NPAS3: variants seen among roughly 807,000 people sequenced by gnomAD.
The protein encoded by NPAS3 is neuronal PAS domain protein 3, also known as neuronal PAS domain-containing protein 3.
Under a neutral mutation model 73.1 loss-of-function variants are expected in NPAS3, and 14 were observed. The ratio of observed to expected loss-of-function variants is 0.19; its 90% CI spans 0.13 to 0.30. The LOEUF is 0.30. Among genes scored for constraint, NPAS3 ranks in the 10% least tolerant of loss-of-function variants. NPAS3 has a pLI of 1.00. For synonymous variants in NPAS3, 620 were observed against 541.5 expected, an observed-to-expected ratio of 1.14 and a Z score of -2.01; for missense variants, 1,096 against 1,250.0, an observed-to-expected ratio of 0.88 and a Z score of 1.86.
At position 32,973,628 on chromosome 14, in the gene NPAS3, C is replaced by T. The variant is rs188653135; in HGVS notation, c.50+34262C>T. On this transcript the variant is annotated intron_variant, in intron 1 of 11. Transcript: ENST00000356141. ...TTGGCTCACTGCAACCTCCCCTTCC[C>T]GAGTTCAAACAGTTCTCCAGCCTCA... Among the ~76,000 whole-genome samples, 39 of 151,228 alleles carry T rather than the reference C, an allele frequency of 2.6e-4. 1 individual carries two copies. The highest frequency in any genetic ancestry group is 8.0e-4 in the African/African-American group (33 of 41,248).
chr14:33,089,010 C>G (rs995715975), intron 2 of NPAS3, among the ~76,000 whole-genome samples: 1 of 99,854 alleles, frequency 1.0e-5, no homozygotes, highest in Admixed American at 9.1e-5. Context: ...ACATCCACAC[C>G]AAAACCCCAT....
chr14:33,151,581 TTA>T (rs1429611271), intron 2 of NPAS3, among the ~76,000 whole-genome samples: 1 of 152,232 alleles, frequency 6.6e-6, no homozygotes, highest in Non-Finnish European at 1.5e-5. Context: ...TGTGATGAAT[TTA>T]TGTTATATTT....
chr14:33,656,756 A>G (rs2059156035), intron 5 of NPAS3, among the ~76,000 whole-genome samples: 1 of 152,202 alleles, frequency 6.6e-6, no homozygotes, highest in Admixed American at 6.5e-5. Context: ...TTTTAAATAT[A>G]CAATACAGTA....
At chr14:33,102,170 G>A (rs141528888) in intron 2 of NPAS3, among the ~76,000 whole-genome samples, 2 of 152,172 alleles carry the variant, frequency 1.3e-5, no homozygotes, top group African/African-American at 4.8e-5. Context: ...GTCACCTGCC[G>A]TTGGGACTTT....
rs1200320395 is a variant in NPAS3, at chr14:33,753,313, G to A, written c.852+17981G>A. 6.0e-5 allele frequency among the ~76,000 whole-genome samples: 9 copies of A among 148,982 alleles called. No individual in the cohort carries two copies. The East Asian group carries it at 1.2e-3, about 19-fold the overall frequency. ...GGAAAATCTGCTCTGTAGCTGTCAG[G>A]ATTATACTTCTCAAAATATGCTTAA... On this transcript the variant is annotated intron_variant, in intron 7 of 11. Transcript: ENST00000356141.
intron 4 of NPAS3, among the ~76,000 whole-genome samples, chr14:33,376,160 G>T (rs1045342377): frequency 1.3e-5 from 2 of 151,944 alleles, no homozygotes; most frequent in Non-Finnish European, 2.9e-5. Context: ...TCCCTATATT[G>T]TACTGCCTTT....
At chr14:33,676,168 C>CTATA (rs747349153) in intron 5 of NPAS3, 43 bp from the exon 6 acceptor site, 1 of 1,596,760 alleles carries the variant, frequency 6.3e-7, no homozygotes. Flanking sequence ...ATGGAGAAGC[C>CTATA]TATATAATGT....
chr14:33,162,187 A>G (rs1026043003), intron 2 of NPAS3, among the ~76,000 whole-genome samples: 1 of 152,220 alleles, frequency 6.6e-6, no homozygotes, highest in East Asian at 1.9e-4. Flanking sequence ...GTACTTGTCT[A>G]CTTAAACTTT....
intron 4 of NPAS3, among the ~76,000 whole-genome samples, chr14:33,523,641 G>A (rs893007221): frequency 1.2e-4 from 18 of 151,608 alleles, no homozygotes; most frequent in Admixed American, 2.6e-4. Flanking sequence ...ATAGCCGGGC[G>A]TGGTGGCAGG....
chr14:32,954,016 A>T (rs532553233), intron 1 of NPAS3, among the ~76,000 whole-genome samples: 3 of 152,192 alleles, frequency 2.0e-5, no homozygotes, highest in Non-Finnish European at 2.9e-5. Context: ...AATCTGAAGC[A>T]CTAAAATGGG....
intron 3 of NPAS3, among the ~76,000 whole-genome samples, chr14:33,259,857 CTTTT>C (rs33939091): frequency 6.9e-6 from 1 of 145,672 alleles, no homozygotes; most frequent in Non-Finnish European, 1.5e-5. Context: ...GCAGCAGCAT[CTTTT>C]TTTTTTTTTT....
intron 3 of NPAS3, among the ~76,000 whole-genome samples, chr14:33,246,954 CA>C (rs2048412349): frequency 6.7e-6 from 1 of 149,790 alleles, no homozygotes; most frequent in Non-Finnish European, 1.5e-5. Context: ...GCAGATGTTG[CA>C]GTAAGCCAAG....
At chr14:33,566,975 G>A (rs984709443) in intron 5 of NPAS3, among the ~76,000 whole-genome samples, 1 of 152,204 alleles carries the variant, frequency 6.6e-6, no homozygotes, top group Non-Finnish European at 1.5e-5. Flanking sequence ...GCTTCTTCAG[G>A]ACCGTTGGTG....
chr14:33,092,997 AC>A (rs1274695990), intron 2 of NPAS3, among the ~76,000 whole-genome samples: 9 of 152,362 alleles, frequency 5.9e-5, no homozygotes, highest in African/African-American at 1.9e-4. Context: ...TAAATGTTAG[AC>A]CTAAAACCGT....
chr14:33,120,109 C>T (rs1040951270), intron 2 of NPAS3, among the ~76,000 whole-genome samples: 2 of 151,948 alleles, frequency 1.3e-5, no homozygotes, highest in Non-Finnish European at 2.9e-5. Context: ...TATAGGCACC[C>T]GCCACCAGGC....
At chr14:33,652,996 G>C (rs1008143353) in intron 5 of NPAS3, among the ~76,000 whole-genome samples, 1 of 152,186 alleles carries the variant, frequency 6.6e-6, no homozygotes, top group Non-Finnish European at 1.5e-5. Flanking sequence ...TGGTCAGTCC[G>C]AGGAAGGAAT....
intron 4 of NPAS3, among the ~76,000 whole-genome samples, chr14:33,526,002 C>G (rs1389560258): frequency 2.0e-5 from 3 of 151,974 alleles, no homozygotes; most frequent in African/African-American, 7.2e-5. Flanking sequence ...AAAAGGAAAA[C>G]ACAGGTGAAA....
At chr14:33,068,368 A>T (rs1038470124) in intron 2 of NPAS3, among the ~76,000 whole-genome samples, 1 of 152,198 alleles carries the variant, frequency 6.6e-6, no homozygotes, top group Admixed American at 6.5e-5. Context: ...CAACACATGC[A>T]CTAAGTCCCT....
chr14:33,303,303 T>C (rs1251550207), intron 3 of NPAS3, among the ~76,000 whole-genome samples: 1 of 152,142 alleles, frequency 6.6e-6, no homozygotes, highest in Non-Finnish European at 1.5e-5. Context: ...TATAGATTTA[T>C]AATTTACAGA....
Sources: gnomAD v4.1 joint callset for allele counts (sites outside exome capture counted in the v4.1 genomes callset) on GRCh38, gnomAD v4.1.1 for gene constraint, MANE v1.5 for transcripts, NCBI Gene and HGNC (gene_info 2026-07-23, HGNC 2026-07-21) for gene names.